Variants in HHAT observed in about 807,000 individuals in gnomAD.
HHAT encodes hedgehog acyltransferase.
Under a neutral mutation model 70.8 loss-of-function variants are expected in HHAT, and 47 were observed. That is an observed-to-expected ratio of 0.66 (90% CI 0.53 to 0.85). The LOEUF is 0.85. Among genes scored for constraint, HHAT ranks in the 40% least tolerant of loss-of-function variants. The pLI is 0.00. For missense variants in HHAT, 609 were observed against 604.8 expected (o/e 1.01, Z -0.07); for synonymous variants, 228 against 247.6 (o/e 0.92, Z 0.74).
intron 9 of HHAT, among the ~76,000 whole-genome samples, chr1:210,576,206 T>C (rs959910951): frequency 6.6e-6 from 1 of 152,186 alleles, no homozygotes; most frequent in Non-Finnish European, 1.5e-5. Context: ...AGTTCAGTGT[T>C]CTTGGTGTCT....
intron 3 of HHAT, among the ~76,000 whole-genome samples, chr1:210,364,494 G>A (rs972082644): frequency 6.6e-6 from 1 of 152,174 alleles, no homozygotes; most frequent in African/African-American, 2.4e-5. Context: ...TATTTGCCAA[G>A]GCAAAAATAA....
chr1:210,510,725 A>G (rs1572935291), intron 8 of HHAT, among the ~76,000 whole-genome samples: 1 of 152,174 alleles, frequency 6.6e-6, no homozygotes, highest in Non-Finnish European at 1.5e-5. Flanking sequence ...GCATACCAGT[A>G]CCTGCCTCAC....
intron 1 of HHAT, among the ~76,000 whole-genome samples, chr1:210,347,406 C>T (rs1255287026): frequency 6.6e-6 from 1 of 152,188 alleles, no homozygotes; most frequent in Non-Finnish European, 1.5e-5. Flanking sequence ...TTTGGCATGA[C>T]TGTCACATGT....
chr1:210,460,435 A>G (rs776822675), intron 7 of HHAT, among the ~76,000 whole-genome samples: 30 of 152,190 alleles, frequency 2.0e-4, no homozygotes, highest in Non-Finnish European at 3.7e-4. Flanking sequence ...ACCTAGAACC[A>G]TGCTTGGCAC....
chr1:210,527,969 A>G (rs989065464), intron 9 of HHAT, among the ~76,000 whole-genome samples: 9 of 152,254 alleles, frequency 5.9e-5, no homozygotes, highest in African/African-American at 2.2e-4. Context: ...GCATGAACCC[A>G]TTCATTTGTA....
intron 9 of HHAT, among the ~76,000 whole-genome samples, chr1:210,566,412 C>T (rs1558175671): frequency 6.6e-6 from 1 of 152,134 alleles, no homozygotes. Context: ...ATCCTCAAGC[C>T]TGGATACCCA....
chr1:210,490,845 G>A (rs891727838), intron 8 of HHAT, among the ~76,000 whole-genome samples: 3 of 151,968 alleles, frequency 2.0e-5, no homozygotes, highest in Non-Finnish European at 4.4e-5. Flanking sequence ...CCAAAGTAGA[G>A]ATTTTTACTT....
At chr1:210,385,188 C>CATGAATTCT (rs138502042) in intron 3 of HHAT, among the ~76,000 whole-genome samples, 19,774 of 150,274 alleles carry the variant, frequency 0.13, 1,345 homozygotes, top group Non-Finnish European at 0.15. Context: ...AGCTTGGGGT[C>CATGAATTCT]ATGAATTCTA....
At chr1:210,389,326 G>A (rs1380423192) in intron 4 of HHAT, among the ~76,000 whole-genome samples, 1 of 152,212 alleles carries the variant, frequency 6.6e-6, no homozygotes, top group African/African-American at 2.4e-5. Context: ...GGCAGTGCAG[G>A]AGATCACGTG....
intron 7 of HHAT, among the ~76,000 whole-genome samples, chr1:210,442,363 C>T (rs1305467402): frequency 7.1e-6 from 1 of 140,948 alleles, no homozygotes; most frequent in African/African-American, 2.7e-5. Context: ...TGGGTATATA[C>T]CCAGTAATGG....
intron 9 of HHAT, among the ~76,000 whole-genome samples, chr1:210,584,239 G>T (rs1411020135): frequency 6.6e-6 from 1 of 151,838 alleles, no homozygotes; most frequent in African/African-American, 2.4e-5. Flanking sequence ...ACTGTCCCCA[G>T]CTGCAGCTCA....
At chr1:210,412,356 C>T (rs576620175) in intron 6 of HHAT, among the ~76,000 whole-genome samples, 2 of 152,224 alleles carry the variant, frequency 1.3e-5, no homozygotes, top group South Asian at 4.2e-4. Context: ...GTTCCAGCAC[C>T]AACTCAAGTG....
At chr1:210,646,146 G>A (rs2148923525) in intron 11 of HHAT, among the ~76,000 whole-genome samples, 1 of 152,262 alleles carries the variant, frequency 6.6e-6, no homozygotes, top group Middle Eastern at 3.4e-3. Context: ...TACTTTGCAC[G>A]GAGTTTTTCA....
At chr1:210,412,029 G>A (rs1251992687) in intron 6 of HHAT, among the ~76,000 whole-genome samples, 1 of 152,208 alleles carries the variant, frequency 6.6e-6, no homozygotes. Flanking sequence ...TTGATGTCTG[G>A]TAAGGGCCTG....
chr1:210,400,257 G>A (rs1158346048), intron 4 of HHAT, among the ~76,000 whole-genome samples: 1 of 152,106 alleles, frequency 6.6e-6, no homozygotes, highest in Admixed American at 6.5e-5. Flanking sequence ...TGGGACTCTG[G>A]GGGTTAATGT....
intron 11 of HHAT, among the ~76,000 whole-genome samples, chr1:210,655,009 G>A (rs1323362625): frequency 1.1e-4 from 17 of 152,334 alleles, no homozygotes; most frequent in Non-Finnish European, 4.4e-5. Context: ...AAGGAGGCTG[G>A]TTCCACGTCC....
intron 1 of HHAT, among the ~76,000 whole-genome samples, chr1:210,336,309 T>G (rs2085491386): frequency 7.3e-6 from 1 of 136,402 alleles, no homozygotes; most frequent in Non-Finnish European, 1.6e-5. Context: ...TTTTTTTTTT[T>G]TAGAGACAGG....
At chr1:210,449,278 CTTTT>C (rs5780578) in intron 7 of HHAT, among the ~76,000 whole-genome samples, 3 of 147,028 alleles carry the variant, frequency 2.0e-5, no homozygotes, top group African/African-American at 5.0e-5. Flanking sequence ...TCATCCTCTA[CTTTT>C]TTTTTTTTTC....
Position 210,623,681 on chromosome 1 carries a change from T to A in HHAT, c.1390+11T>A, listed in dbSNP as rs1285128783. ...GGATCTTCATACAAGGTAAGTTGCT[T>A]GACAGTGCTGTTTTCAGTCAGTTTC... On this transcript the variant is annotated intron_variant, in intron 11 of 11. Coordinates refer to ENST00000261458, the MANE Select transcript of HHAT (RefSeq NM_018194.6). 18 of 1,612,130 alleles carry A rather than the reference T, an allele frequency of 1.1e-5. No individual in the cohort carries two copies. The highest frequency in any genetic ancestry group is 1.4e-5 in the Non-Finnish European group (17 of 1,178,700).
Sources: gnomAD v4.1 joint callset for allele counts (sites outside exome capture counted in the v4.1 genomes callset) on GRCh38, gnomAD v4.1.1 for gene constraint, MANE v1.5 for transcripts, NCBI Gene and HGNC (gene_info 2026-07-23, HGNC 2026-07-21) for gene names.